Variants in ARHGEF3 observed in about 807,000 individuals in gnomAD.
ARHGEF3 encodes Rho guanine nucleotide exchange factor 3.
In ARHGEF3, 28 loss-of-function variants were observed where a neutral mutation model predicts 63.2. That is an observed-to-expected ratio of 0.44 (90% CI 0.33 to 0.61). The LOEUF (loss-of-function observed/expected upper bound fraction) is 0.61, where lower values mean the gene tolerates loss of function less well. Ranked by LOEUF, ARHGEF3 falls within the 20% of genes least tolerant of loss-of-function variation. The probability of loss-of-function intolerance (pLI) is 0.03; values close to 1 mark genes in which losing one functional copy is unlikely to be tolerated. For synonymous variants in ARHGEF3, 266 were observed against 254.2 expected (o/e 1.05, Z -0.44); for missense variants, 533 against 659.3 (o/e 0.81, Z 2.10).
intron 2 of ARHGEF3, 119 bp from the exon 3 acceptor site, chr3:56,755,270 G>C: frequency 8.7e-7 from 1 of 1,151,542 alleles, no homozygotes; most frequent in Non-Finnish European, 1.2e-6. Context: ...AGAGGACATT[G>C]CCACAAGGCC....
chr3:56,895,742 C>G (rs2041281070), intron 3 of ARHGEF3, among the ~76,000 whole-genome samples: 1 of 152,138 alleles, frequency 6.6e-6, no homozygotes, highest in South Asian at 2.1e-4. Flanking sequence ...GGATTACAGG[C>G]ATGAGCCACC....
chr3:56,873,509 G>C (rs2040497035), intron 4 of ARHGEF3, among the ~76,000 whole-genome samples: 1 of 152,100 alleles, frequency 6.6e-6, no homozygotes, highest in African/African-American at 2.4e-5. Context: ...TCGTGCGTTA[G>C]TTTGCTAAAG....
intron 4 of ARHGEF3, among the ~76,000 whole-genome samples, chr3:56,853,658 G>T (rs984379219): frequency 1.2e-4 from 18 of 152,126 alleles, no homozygotes; most frequent in African/African-American, 4.3e-4. Flanking sequence ...AGACTATGTT[G>T]CTCAATGTTA....
chr3:56,944,568 CTTTTTTTTTT>C (rs1205155655), intron 3 of ARHGEF3, among the ~76,000 whole-genome samples: 7 of 65,836 alleles, frequency 1.1e-4, no homozygotes, highest in Admixed American at 9.4e-4. Flanking sequence ...AAAGTGGTTT[CTTTTTTTTTT>C]TTTTTTTTTT....
chr3:56,736,201 A>G (rs879635372), intron 8 of ARHGEF3, among the ~76,000 whole-genome samples: 1 of 152,208 alleles, frequency 6.6e-6, no homozygotes, highest in African/African-American at 2.4e-5. Context: ...TTGAGTACCC[A>G]GTATGTGCCA....
At chr3:56,770,670 G>T (rs2035958406) in intron 2 of ARHGEF3, among the ~76,000 whole-genome samples, 1 of 152,052 alleles carries the variant, frequency 6.6e-6, no homozygotes, top group South Asian at 2.1e-4. Context: ...AACTTGAGGG[G>T]TGTATTTCCA....
At chr3:56,974,274 G>A (rs1013634618) in intron 2 of ARHGEF3, among the ~76,000 whole-genome samples, 15 of 152,092 alleles carry the variant, frequency 9.9e-5, no homozygotes, top group Non-Finnish European at 1.8e-4. Flanking sequence ...TATGGTGTGG[G>A]AGACAATGAG....
chr3:56,784,045 T>G (rs1220736449), intron 1 of ARHGEF3, among the ~76,000 whole-genome samples: 3 of 152,196 alleles, frequency 2.0e-5, no homozygotes, highest in Non-Finnish European at 4.4e-5. Flanking sequence ...TGCCTGAAAC[T>G]CATCTTGGTC....
chr3:56,955,622 C>G (rs1415141440), intron 3 of ARHGEF3, among the ~76,000 whole-genome samples: 1 of 152,216 alleles, frequency 6.6e-6, no homozygotes, highest in South Asian at 2.1e-4. Context: ...ACCTCCCTTT[C>G]TAAATAAAGA....
chr3:56,856,413 C>T (rs970867306), intron 4 of ARHGEF3, among the ~76,000 whole-genome samples: 1 of 152,180 alleles, frequency 6.6e-6, no homozygotes, highest in African/African-American at 2.4e-5. Flanking sequence ...AAGTCTAATA[C>T]TGCAATTTTA....
At chr3:57,065,093 G>C (rs1579202415) in intron 1 of ARHGEF3, among the ~76,000 whole-genome samples, 2 of 152,184 alleles carry the variant, frequency 1.3e-5, no homozygotes, top group South Asian at 4.1e-4. Flanking sequence ...TTTTAAGTTG[G>C]GAGAAATAAC....
chr3:57,009,368 C>A (rs1226684903), intron 2 of ARHGEF3, among the ~76,000 whole-genome samples: 1 of 152,230 alleles, frequency 6.6e-6, no homozygotes, highest in Non-Finnish European at 1.5e-5. Context: ...GAACCTAGAG[C>A]TACTTCTAAA....
At chr3:56,744,267 C>T (rs543774586) in intron 7 of ARHGEF3, among the ~76,000 whole-genome samples, 6 of 152,272 alleles carry the variant, frequency 3.9e-5, no homozygotes, top group East Asian at 3.9e-4. Context: ...TCAACCAGAA[C>T]GGTGCTCTCT....
intron 1 of ARHGEF3, among the ~76,000 whole-genome samples, chr3:56,778,475 G>A (rs1228141388): frequency 4.6e-5 from 7 of 152,148 alleles, no homozygotes; most frequent in Non-Finnish European, 1.0e-4. Flanking sequence ...AATAAGTGTG[G>A]CTATATCATA....
chr3:57,066,176 GTCAA>G (rs1262841160), intron 1 of ARHGEF3, among the ~76,000 whole-genome samples: 1 of 152,108 alleles, frequency 6.6e-6, no homozygotes, highest in Non-Finnish European at 1.5e-5. Context: ...TTATTTTGCA[GTCAA>G]TCAAAGGGGA....
At chr3:56,906,830 C>G (rs2041697941) in intron 3 of ARHGEF3, among the ~76,000 whole-genome samples, 1 of 148,536 alleles carries the variant, frequency 6.7e-6, no homozygotes, top group South Asian at 2.1e-4. Context: ...GAGCGAGACT[C>G]TGTCTCAAAA....
At chr3:56,849,536 C>T (rs1332113539) in intron 4 of ARHGEF3, among the ~76,000 whole-genome samples, 6 of 152,014 alleles carry the variant, frequency 3.9e-5, no homozygotes, top group African/African-American at 9.7e-5. Context: ...AGAAAATACA[C>T]GCTAAGTCCA....
intron 2 of ARHGEF3, among the ~76,000 whole-genome samples, chr3:57,006,748 C>A (rs1702484712): frequency 6.6e-6 from 1 of 152,192 alleles, no homozygotes; most frequent in Non-Finnish European, 1.5e-5. Context: ...CGACACCCCC[C>A]CAAACACGGT....
At chr3:56,876,854 A>G (rs986022076) in intron 4 of ARHGEF3, among the ~76,000 whole-genome samples, 2 of 152,178 alleles carry the variant, frequency 1.3e-5, no homozygotes, top group African/African-American at 4.8e-5. Context: ...GGGCCCTGTC[A>G]GGGGCTTTCC....
Sources: allele counts gnomAD v4.1 joint callset (sites outside exome capture counted in the v4.1 genomes callset), GRCh38; gene constraint gnomAD v4.1.1; transcripts MANE v1.5; gene names NCBI Gene and HGNC (gene_info 2026-07-23, HGNC 2026-07-21).